The following DRD3 variants were observed in gnomAD, a reference collection of about 807,000 sequenced individuals.
DRD3 encodes dopamine receptor D3.
Under a neutral mutation model 36.3 loss-of-function variants are expected in DRD3, and 19 were observed. The observed-to-expected ratio is 0.52, with a 90% CI of 0.36 to 0.77. The LOEUF (loss-of-function observed/expected upper bound fraction) is 0.77. DRD3 is among the 30% of genes least tolerant of loss of function. The pLI is 0.00. For missense variants in DRD3, 465 were observed against 505.3 expected (o/e 0.92, Z 0.77); for synonymous variants, 195 against 203.7 (o/e 0.96, Z 0.36).
intron 3 of DRD3, among the ~76,000 whole-genome samples, chr3:114,152,116 G>A (rs1284317493): frequency 1.3e-5 from 2 of 152,092 alleles, no homozygotes; most frequent in Admixed American, 6.5e-5. Context: ...GTAGTATTTG[G>A]TTACATAAGT....
chr3:114,191,116 C>T (rs980462572), intron 1 of DRD3, among the ~76,000 whole-genome samples: 2 of 152,140 alleles, frequency 1.3e-5, no homozygotes, highest in African/African-American at 2.4e-5. Context: ...CTATGACAGG[C>T]CTGTTTTGGG....
chr3:114,152,715 G>A (rs1231065032), intron 3 of DRD3, among the ~76,000 whole-genome samples: 1 of 152,204 alleles, frequency 6.6e-6, no homozygotes, highest in African/African-American at 2.4e-5. Context: ...GGAAAGCCCG[G>A]CGCCCTGCTT....
chr3:114,150,945 G>A (rs879267394), intron 3 of DRD3, among the ~76,000 whole-genome samples: 1 of 152,206 alleles, frequency 6.6e-6, no homozygotes, highest in Admixed American at 6.5e-5. Context: ...AACTGTGCAG[G>A]ACTTGGCCTT....
intron 5 of DRD3, among the ~76,000 whole-genome samples, chr3:114,137,642 T>C (rs2107835669): frequency 1.3e-5 from 2 of 152,148 alleles, no homozygotes; most frequent in Admixed American, 1.3e-4. Flanking sequence ...AGGCCAGGCA[T>C]TATAGACCAG....
At chr3:114,176,573 C>G (rs1324823334) in intron 1 of DRD3, among the ~76,000 whole-genome samples, 2 of 152,102 alleles carry the variant, frequency 1.3e-5, no homozygotes, top group Non-Finnish European at 2.9e-5. Flanking sequence ...CCACTGCACT[C>G]CAGCCTGGGT....
chr3:114,159,996 C>A, intron 2 of DRD3, 129 bp from the exon 3 acceptor site: 1 of 758,404 alleles, frequency 1.3e-6, no homozygotes, highest in African/African-American at 1.7e-5. Flanking sequence ...ACCGTTGTTC[C>A]CACAGGGCAG....
At chr3:114,156,761 TTCTTTC>T (rs2077676058) in intron 3 of DRD3, among the ~76,000 whole-genome samples, 1 of 104,750 alleles carries the variant, frequency 9.5e-6, no homozygotes. Context: ...CTTTCTTTCT[TTCTTTC>T]TTTCTTTCTT....
chr3:114,177,698 C>T (rs1425296683), intron 1 of DRD3, among the ~76,000 whole-genome samples: 2 of 152,154 alleles, frequency 1.3e-5, no homozygotes, highest in African/African-American at 4.8e-5. Flanking sequence ...ATTTTCCTTG[C>T]TCAATACCCT....
At position 114,147,686 on chromosome 3, in the gene DRD3, A is replaced by G. The variant is rs939728470; in HGVS notation, c.384-129T>C. On this transcript the variant is annotated intron_variant, in intron 3 of 6. Transcript: ENST00000383673. ...GTCACCCAGGCAGAAGTGCAGTGGC[A>G]TGATTACTGTTCACTGCAGTTCAAC... is the stretch of plus-strand genomic sequence containing the variant. 38 of 1,110,732 alleles carry G rather than the reference A, an allele frequency of 3.4e-5. 1 individual carries two copies. The highest frequency in any genetic ancestry group is 4.9e-5 in the Non-Finnish European group (38 of 775,174). 68.8% of individuals were successfully genotyped at this position (1,110,732 alleles called of 1,614,324 possible). A position where few individuals can be genotyped will look rare whatever the true frequency, so the allele number is the denominator to read the frequency against.
In DRD3 at chr3:114,131,391, G is replaced by A. The variant is rs1174905497; in HGVS notation, c.733C>T (p.Pro245Ser). The A allele has an allele frequency of 4.3e-6, 7 of 1,612,830 alleles. No homozygotes were observed. Among genetic ancestry groups the A allele is most frequent in the African/African-American group, 4.0e-5 (3 of 74,880 alleles). ...RPGFPQQTLS[P>S]DPAHLELKRY... The stretch of plus-strand genomic sequence containing the variant: ...TTCAGCTCCAGATGTGCCGGGTCAG[G>A]AGAGAGGGTCTGCAGGTGTGACAAG... The change falls in exon 6 of 7, where the codon CCT becomes TCT. Residue 245 changes from proline to serine, a missense_variant. Transcript: ENST00000383673.
At chr3:114,148,319 TGC>T (rs2077587054) in intron 3 of DRD3, among the ~76,000 whole-genome samples, 1 of 152,180 alleles carries the variant, frequency 6.6e-6, no homozygotes, top group South Asian at 2.1e-4. Flanking sequence ...ATTTACCTCC[TGC>T]TTGTATCCTA....
intron 2 of DRD3, among the ~76,000 whole-genome samples, 197 bp downstream of exon 2, chr3:114,171,526 G>A (rs750601773): frequency 6.6e-6 from 1 of 152,170 alleles, no homozygotes; most frequent in African/African-American, 2.4e-5. Flanking sequence ...CAGCTCCTTG[G>A]TTCTGATGTG....
intron 6 of DRD3, among the ~76,000 whole-genome samples, chr3:114,130,748 C>T (rs1420285856): frequency 2.0e-5 from 3 of 152,122 alleles, no homozygotes; most frequent in Non-Finnish European, 4.4e-5. Context: ...TTTATCATAC[C>T]ATATCACAAT....
intron 5 of DRD3, among the ~76,000 whole-genome samples, chr3:114,134,087 T>C (rs1425866312): frequency 6.6e-6 from 1 of 152,190 alleles, no homozygotes; most frequent in East Asian, 1.9e-4. Context: ...ACCTGACAGC[T>C]TTCCAGTAAA....
At chr3:114,179,960 A>T (rs868444477), upstream of DRD3, among the ~76,000 whole-genome samples, 2 of 152,094 alleles carry the variant, frequency 1.3e-5, no homozygotes, top group Non-Finnish European at 2.9e-5. Flanking sequence ...GGCAGGTACT[A>T]TTTTTTACCA....
intron 2 of DRD3, among the ~76,000 whole-genome samples, chr3:114,169,359 C>G (rs1401630935): frequency 6.7e-6 from 1 of 149,464 alleles, no homozygotes; most frequent in African/African-American, 2.5e-5. Flanking sequence ...AAGACATTGA[C>G]TGGGTCTTGA....
chr3:114,172,109 A>T (rs1188385876), intron 1 of DRD3, 82 bp from the exon 2 acceptor site: 2 of 1,095,468 alleles, frequency 1.8e-6, no homozygotes, highest in African/African-American at 3.3e-5. Flanking sequence ...TATTTATTGC[A>T]TCAGCAAATA....
intron 5 of DRD3, 148 bp from the exon 6 acceptor site, chr3:114,131,548 G>A (rs937207096): frequency 8.7e-7 from 1 of 1,149,310 alleles, no homozygotes; most frequent in African/African-American, 1.6e-5. Context: ...GGAGTGGTGG[G>A]ACCATGAGAA....
chr3:114,187,335 G>A (rs1248927628), intron 1 of DRD3, among the ~76,000 whole-genome samples: 1 of 152,194 alleles, frequency 6.6e-6, no homozygotes, highest in African/African-American at 2.4e-5. Flanking sequence ...CAAAGGAGCA[G>A]CTTTATCTTC....
Sources: gnomAD v4.1 joint callset for allele counts (sites outside exome capture counted in the v4.1 genomes callset) on GRCh38, gnomAD v4.1.1 for gene constraint, MANE v1.5 for transcripts, NCBI Gene and HGNC (gene_info 2026-07-23, HGNC 2026-07-21) for gene names.